Variants in MRPS31 observed in about 807,000 individuals in gnomAD.
The protein encoded by MRPS31 is mitochondrial ribosomal protein S31, also known as small ribosomal subunit protein mS31.
MRPS31 carries 32 observed loss-of-function variants against 43.1 expected under a neutral mutation model. That is an observed-to-expected ratio of 0.74 (90% confidence interval 0.56 to 1.00). The LOEUF (loss-of-function observed/expected upper bound fraction) is 1.00, where lower values mean the gene tolerates loss of function less well. MRPS31 is among the 50% of genes least tolerant of loss of function. The pLI is 0.00. For missense variants in MRPS31, 437 were observed against 466.7 expected (o/e 0.94, Z 0.59); for synonymous variants, 165 against 161.6 (o/e 1.02, Z -0.16).
intron 6 of MRPS31, among the ~76,000 whole-genome samples, chr13:40,738,371 T>C (rs975363779): frequency 3.8e-4 from 58 of 152,242 alleles, no homozygotes; most frequent in Non-Finnish European, 6.3e-4. Context: ...AAGGAGGAAC[T>C]GGTACCATTC....
rs2138022983 is a variant in MRPS31, at chr13:40,771,034, T to C, written c.103A>G (p.Thr35Ala). The change falls in exon 1 of 7, where the codon ACT (threonine) becomes GCT (alanine). Residue 35 changes from threonine (T) to alanine (A), a missense_variant. Coordinates refer to ENST00000323563, the MANE Select transcript of MRPS31 (RefSeq NM_005830.4). ...ETSAAAIMLLTVRHGTVRYRS... is the reference protein window; with the variant it reads ...ETSAAAIMLLAVRHGTVRYRS... ...TACCTGACTGTTCCGTGCCGAACAGTGAGTAGCATAATCGCAGCCGCTGAT... is the reference window on the plus strand; with the variant it reads ...TACCTGACTGTTCCGTGCCGAACAGCGAGTAGCATAATCGCAGCCGCTGAT... 1 of 1,613,614 alleles carries C rather than the reference T, an allele frequency of 6.2e-7. No individual in the cohort carries two copies. Among genetic ancestry groups the C allele is most frequent in the African/African-American group, 1.3e-5 (1 of 74,838 alleles).
intron 6 of MRPS31, among the ~76,000 whole-genome samples, chr13:40,748,261 G>A (rs566505921): frequency 2.7e-4 from 41 of 152,258 alleles, no homozygotes; most frequent in African/African-American, 9.9e-4. Flanking sequence ...GGGTTCAAAC[G>A]ATTCTCCTGC....
intron 4 of MRPS31, among the ~76,000 whole-genome samples, chr13:40,755,937 C>G (rs1471074544): frequency 6.6e-6 from 1 of 152,090 alleles, no homozygotes. Context: ...CCAAGTACAC[C>G]TTCTCCTTTA....
In MRPS31 at chr13:40,770,968, G is replaced by T; in HGVS notation, c.152+17C>A. On this transcript the variant is annotated intron_variant, in intron 1 of 6. Coordinates refer to ENST00000323563, the MANE Select transcript of MRPS31 (RefSeq NM_005830.4). ...GAGGATGTACAGGACGGGGCACGGGGTTGCCTGAGGACCTACCGGGCCAAC... is the reference window on the plus strand; with the variant it reads ...GAGGATGTACAGGACGGGGCACGGGTTTGCCTGAGGACCTACCGGGCCAAC... The T allele has an allele frequency of 6.2e-7, 1 of 1,614,074 alleles. No homozygotes were observed. The highest frequency in any genetic ancestry group is 8.5e-7 in the Non-Finnish European group (1 of 1,179,996).
intron 2 of MRPS31, among the ~76,000 whole-genome samples, chr13:40,765,269 G>C (rs78087732): frequency 0.012 from 1,903 of 152,266 alleles, 51 homozygotes; most frequent in African/African-American, 0.043. Flanking sequence ...GAAAAGTGGA[G>C]CAAGAATGTA....
intron 6 of MRPS31, among the ~76,000 whole-genome samples, chr13:40,746,561 T>C (rs1441701131): frequency 6.6e-6 from 1 of 152,120 alleles, no homozygotes; most frequent in Non-Finnish European, 1.5e-5. Flanking sequence ...AGAAATTAAA[T>C]TTTCTCAGAA....
chr13:40,732,782 T>C (rs758788542), intron 6 of MRPS31, among the ~76,000 whole-genome samples: 3 of 151,958 alleles, frequency 2.0e-5, no homozygotes, highest in African/African-American at 2.4e-5. Context: ...TTGAGCAACA[T>C]TACATTTCCC....
chr13:40,771,047 C>G lies in MRPS31; in HGVS notation c.90G>C (p.Ala30=). ...CGTGCCGAACAGTGAGTAGCATAAT[C>G]GCAGCCGCTGATGTCTCCGGGCTTC... ...SSGSPETSAA[A]IMLLTVRHGT... The change falls in exon 1 of 7, where the codon GCG becomes GCC. Residue 30 remains alanine (A), a synonymous_variant. Coordinates refer to ENST00000323563, the MANE Select transcript of MRPS31 (RefSeq NM_005830.4). 6.2e-7 allele frequency: 1 copy of G among 1,614,098 alleles called. No homozygotes were observed. The highest frequency in any genetic ancestry group is 2.2e-5 in the East Asian group (1 of 44,874).
At chr13:40,738,953 G>C (rs1402379091) in intron 6 of MRPS31, among the ~76,000 whole-genome samples, 1 of 152,140 alleles carries the variant, frequency 6.6e-6, no homozygotes, top group Non-Finnish European at 1.5e-5. Context: ...TTAGGCAGTA[G>C]AAAGAAATAA....
chr13:40,750,749 TATATATATATATATATATATATATTAC>T (rs1248270969), intron 5 of MRPS31, among the ~76,000 whole-genome samples: 4 of 127,266 alleles, frequency 3.1e-5, no homozygotes, highest in Non-Finnish European at 6.3e-5. Flanking sequence ...ATTTTATATA[TATATATATATATATATATATATATTAC>T]ATATATATGT....
intron 6 of MRPS31, among the ~76,000 whole-genome samples, chr13:40,739,113 C>G (rs1593443046): frequency 6.6e-6 from 1 of 152,192 alleles, no homozygotes; most frequent in East Asian, 1.9e-4. Flanking sequence ...AATCAATGTG[C>G]AAAAATCACA....
At chr13:40,766,375 C>T (rs1262551574) in intron 2 of MRPS31, among the ~76,000 whole-genome samples, 1 of 152,148 alleles carries the variant, frequency 6.6e-6, no homozygotes, top group African/African-American at 2.4e-5. Context: ...CTCACTGCAA[C>T]CTCTGCCTCC....
chr13:40,733,294 G>A (rs1368093070), intron 6 of MRPS31, among the ~76,000 whole-genome samples: 3 of 152,038 alleles, frequency 2.0e-5, no homozygotes, highest in South Asian at 2.1e-4. Context: ...GTGAGCCACC[G>A]CGCCCAGCCC....
chr13:40,756,276 C>T (rs1593449660), intron 4 of MRPS31, among the ~76,000 whole-genome samples: 1 of 152,182 alleles, frequency 6.6e-6, no homozygotes, highest in Non-Finnish European at 1.5e-5. Context: ...AGAAAAAGAA[C>T]AGAAACGTTA....
intron 2 of MRPS31, 68 bp downstream of exon 2, chr13:40,766,678 A>C: frequency 7.0e-7 from 1 of 1,420,042 alleles, no homozygotes; most frequent in African/African-American, 1.4e-5. Context: ...TTGTATTAAA[A>C]ATATTTTTTA....
chr13:40,764,555 T>G, intron 2 of MRPS31, among the ~76,000 whole-genome samples: 1 of 152,134 alleles, frequency 6.6e-6, no homozygotes, highest in East Asian at 1.9e-4. Flanking sequence ...AACACGGTAA[T>G]GTCCAATCTT....
intron 6 of MRPS31, among the ~76,000 whole-genome samples, chr13:40,731,816 A>T (rs1485585140): frequency 1.3e-5 from 2 of 152,094 alleles, no homozygotes; most frequent in Non-Finnish European, 2.9e-5. Flanking sequence ...TGGTACATTA[A>T]TTTTTTTCAA....
In MRPS31 at chr13:40,748,617, CT is replaced by C. The variant is rs1880305380; in HGVS notation, c.958+520del. Among the ~76,000 whole-genome samples, 4 of 152,324 alleles carry C rather than the reference CT, an allele frequency of 2.6e-5. No homozygotes were observed. In the South Asian group the frequency reaches 8.3e-4, roughly 32 times the overall value. On this transcript the variant is annotated intron_variant, in intron 6 of 6. Transcript: ENST00000323563. ...AATATCCAGTAAAGTAGATGATATT[CT>C]GTTGCCAGTTCAAAGCACCTATATT...
chr13:40,758,247 TG>T (rs757679526), intron 3 of MRPS31, among the ~76,000 whole-genome samples: 2 of 152,056 alleles, frequency 1.3e-5, no homozygotes, highest in Non-Finnish European at 2.9e-5. Context: ...TTTGTAGAGA[TG>T]GGGTCTTGCT....
Sources: allele counts gnomAD v4.1 joint callset (sites outside exome capture counted in the v4.1 genomes callset), GRCh38; gene constraint gnomAD v4.1.1; transcripts MANE v1.5; gene names NCBI Gene and HGNC (gene_info 2026-07-23, HGNC 2026-07-21).